PAQR5: variants seen among roughly 807,000 people sequenced by gnomAD.
PAQR5 encodes the protein progestin and adipoQ receptor family member 5.
A neutral mutation model predicts 34.5 loss-of-function variants in PAQR5; 20 were observed. The observed-to-expected ratio is 0.58, with a 90% CI of 0.41 to 0.84. The LOEUF (loss-of-function observed/expected upper bound fraction) is 0.84. Ranked by LOEUF, PAQR5 falls within the 40% of genes least tolerant of loss-of-function variation. The pLI is 0.00. For synonymous variants in PAQR5, 131 were observed against 155.6 expected (o/e 0.84, Z 1.18); for missense variants, 378 against 412.7 (o/e 0.92, Z 0.73).
At chr15:69,304,595 C>T (rs964600377) in intron 1 of PAQR5, among the ~76,000 whole-genome samples, 7 of 152,186 alleles carry the variant, frequency 4.6e-5, no homozygotes, top group East Asian at 1.9e-4. Context: ...CCCTGTCCTC[C>T]GATCCAGGTT....
chr15:69,352,713 C>A (rs1459327695), intron 2 of PAQR5, among the ~76,000 whole-genome samples: 1 of 152,218 alleles, frequency 6.6e-6, no homozygotes, highest in Non-Finnish European at 1.5e-5. Context: ...GAAATTCGAG[C>A]AGGGCACCTG....
chr15:69,340,276 T>G (rs924207598), intron 2 of PAQR5, among the ~76,000 whole-genome samples: 6 of 152,290 alleles, frequency 3.9e-5, no homozygotes, highest in Admixed American at 3.9e-4. Context: ...GCAAGCAATA[T>G]CTATAAACAT....
chr15:69,306,860 C>A (rs1055704255), intron 1 of PAQR5, among the ~76,000 whole-genome samples: 1 of 152,144 alleles, frequency 6.6e-6, no homozygotes, highest in African/African-American at 2.4e-5. Flanking sequence ...TCCCCTGGCC[C>A]CTTGCAACCA....
In PAQR5 at chr15:69,397,501, G is replaced by C. The variant is rs1369989449; in HGVS notation, c.546G>C (p.Lys182Asn). ...FLEIQKPRLC[K>N]VIRVLAFAYP... ...AAATCCAGAAGCCCAGACTCTGTAA[G>C]GTGATTCGTGTCCTCGCCTTTGCTT... The change falls in exon 7 of 9, where the codon AAG becomes AAC. Residue 182 changes from lysine to asparagine, a missense_variant. Lys to Asn is a moderately conservative substitution (Grantham distance 94). Transcript: ENST00000395407. 1 of 1,613,918 alleles carries C rather than the reference G, an allele frequency of 6.2e-7. No individual in the cohort carries two copies. The highest frequency in any genetic ancestry group is 8.5e-7 in the Non-Finnish European group (1 of 1,179,754).
intron 3 of PAQR5, among the ~76,000 whole-genome samples, chr15:69,377,305 C>T (rs1335487405): frequency 2.0e-5 from 3 of 152,200 alleles, no homozygotes; most frequent in Non-Finnish European, 4.4e-5. Flanking sequence ...AAGCACGTGC[C>T]GTCCTCCTCC....
chr15:69,356,463 T>G (rs908324615), intron 2 of PAQR5, among the ~76,000 whole-genome samples: 5 of 152,262 alleles, frequency 3.3e-5, no homozygotes, highest in African/African-American at 1.2e-4. Context: ...TGAAATTGTA[T>G]GCCACTATTT....
intron 5 of PAQR5, among the ~76,000 whole-genome samples, 171 bp from the exon 6 acceptor site, chr15:69,389,481 GGC>G (rs1186023207): frequency 6.6e-6 from 1 of 152,174 alleles, no homozygotes; most frequent in Non-Finnish European, 1.5e-5. Flanking sequence ...GATTTGGGTG[GGC>G]AGAGAAGAGA....
chr15:69,331,998 G>A (rs531366423), intron 1 of PAQR5, among the ~76,000 whole-genome samples: 1 of 152,294 alleles, frequency 6.6e-6, no homozygotes, highest in East Asian at 1.9e-4. Context: ...TCTTCTGGAA[G>A]CTGCAGAGAA....
At chr15:69,303,705 A>G (rs2053654295) in intron 1 of PAQR5, among the ~76,000 whole-genome samples, 1 of 152,138 alleles carries the variant, frequency 6.6e-6, no homozygotes, top group South Asian at 2.1e-4. Context: ...GACTTGGGCT[A>G]GGGATAACCG....
chr15:69,310,882 C>T (rs1566991540), intron 1 of PAQR5, among the ~76,000 whole-genome samples: 1 of 150,974 alleles, frequency 6.6e-6, no homozygotes, highest in Non-Finnish European at 1.5e-5. Context: ...ACTAAAAATA[C>T]AAAAAAATTA....
At chr15:69,394,070 C>T (rs2056343831) in intron 6 of PAQR5, among the ~76,000 whole-genome samples, 1 of 151,956 alleles carries the variant, frequency 6.6e-6, no homozygotes, top group South Asian at 2.1e-4. Context: ...AATCACTGTC[C>T]ATCTCCTTCC....
intron 8 of PAQR5, among the ~76,000 whole-genome samples, chr15:69,402,137 C>T (rs2056647941): frequency 6.6e-6 from 1 of 152,100 alleles, no homozygotes; most frequent in South Asian, 2.1e-4. Context: ...ACTGTTGTGG[C>T]CTAAACAACT....
intron 2 of PAQR5, among the ~76,000 whole-genome samples, chr15:69,356,429 ATT>A (rs1486723930): frequency 6.6e-6 from 1 of 152,152 alleles, no homozygotes; most frequent in African/African-American, 2.4e-5. Context: ...TAAAAAAATT[ATT>A]TTCTTTATTA....
chr15:69,386,233 T>C (rs1567035639), intron 5 of PAQR5, among the ~76,000 whole-genome samples: 1 of 145,702 alleles, frequency 6.9e-6, no homozygotes, highest in African/African-American at 2.6e-5. Context: ...CTCACATACA[T>C]CACACACACA....
chr15:69,365,578 T>C (rs2055381744), intron 3 of PAQR5, among the ~76,000 whole-genome samples: 1 of 152,220 alleles, frequency 6.6e-6, no homozygotes, highest in African/African-American at 2.4e-5. Context: ...TTTAATCTAT[T>C]GCTAGAGTCA....
At chr15:69,322,832 A>G (rs62008451) in intron 1 of PAQR5, among the ~76,000 whole-genome samples, 4,386 of 77,798 alleles carry the variant, frequency 0.056, 625 homozygotes, top group Non-Finnish European at 0.092. Context: ...AAGAAGAAGA[A>G]GAAGAGGAAG....
chr15:69,381,456 T>C (rs1336740305), intron 4 of PAQR5, among the ~76,000 whole-genome samples: 1 of 152,242 alleles, frequency 6.6e-6, no homozygotes, highest in Non-Finnish European at 1.5e-5. Context: ...TGAATCATGG[T>C]TGATTTAGGC....
intron 2 of PAQR5, among the ~76,000 whole-genome samples, chr15:69,345,026 G>A (rs767277321): frequency 3.3e-5 from 5 of 151,936 alleles, no homozygotes; most frequent in African/African-American, 4.8e-5. Context: ...CCTGAGAGGC[G>A]GAGGTTGCAG....
intron 2 of PAQR5, among the ~76,000 whole-genome samples, chr15:69,342,811 A>T (rs772830761): frequency 6.6e-6 from 1 of 152,218 alleles, no homozygotes; most frequent in Non-Finnish European, 1.5e-5. Context: ...GCCTAAACTC[A>T]GGACCTCCCC....
Sources: allele counts gnomAD v4.1 joint callset (sites outside exome capture counted in the v4.1 genomes callset), GRCh38; gene constraint gnomAD v4.1.1; transcripts MANE v1.5; gene names NCBI Gene and HGNC (gene_info 2026-07-23, HGNC 2026-07-21).